The following LSM4 variants were observed in gnomAD, a reference collection of about 807,000 sequenced individuals.
LSM4 encodes the protein LSM4 homolog, U6 small nuclear RNA and mRNA degradation associated.
In LSM4, 15 loss-of-function variants were observed where a neutral mutation model predicts 22.3. That is an observed-to-expected ratio of 0.67 (90% CI 0.45 to 1.03). LSM4 has a LOEUF of 1.03. Among genes scored for constraint, LSM4 ranks in the 50% least tolerant of loss-of-function variants. LSM4 has a pLI of 0.00. For missense variants in LSM4, 127 were observed against 198.0 expected (o/e 0.64, Z 2.15); for synonymous variants, 90 against 79.8 (o/e 1.13, Z -0.68).
intron 1 of LSM4, among the ~76,000 whole-genome samples, chr19:18,318,902 C>T (rs1040577030): frequency 3.9e-5 from 6 of 152,256 alleles, no homozygotes; most frequent in Non-Finnish European, 8.8e-5. Flanking sequence ...TTGCCTGTCA[C>T]TTGCAGTCCC....
intron 1 of LSM4, among the ~76,000 whole-genome samples, chr19:18,319,889 G>A (rs1233980052): frequency 6.6e-6 from 1 of 152,190 alleles, no homozygotes; most frequent in Non-Finnish European, 1.5e-5. Flanking sequence ...ACTCAAAGTG[G>A]GTGTGGACTT....
intron 1 of LSM4, among the ~76,000 whole-genome samples, chr19:18,317,297 C>T (rs377556742): frequency 2.8e-4 from 42 of 150,386 alleles, no homozygotes; most frequent in East Asian, 1.2e-3. Flanking sequence ...GCTGGGGTAA[C>T]AGCATTGAGC....
rs1466813918 is a variant in LSM4 at position 18,307,493 on chromosome 19, T to G, written c.391A>C (p.Lys131Gln). ...TGTTTGCCCGCCTGTCTGCCAGGCT[T>G]CTTCTCTGGCTGGCCTCTGCCTGTG... is the stretch of plus-strand genomic sequence containing the variant. ...PGTGRGQPEK[K>Q]PGRQAGKQ The change falls in exon 5 of 5, where the codon AAG becomes CAG. Residue 131 changes from lysine to glutamine, a missense_variant. Coordinates refer to ENST00000593829, the MANE Select transcript of LSM4 (RefSeq NM_012321.5). 2 of 1,555,378 alleles carry G rather than the reference T, an allele frequency of 1.3e-6. No homozygotes were observed. The highest frequency in any genetic ancestry group is 1.4e-5 in the African/African-American group (1 of 73,220).
At chr19:18,312,324 C>A in intron 3 of LSM4, 1 of 393,288 alleles carries the variant, frequency 2.5e-6, no homozygotes. Context: ...CTGCCCCAGC[C>A]TGAGCCACAG....
At chr19:18,308,614 G>A (rs1970259826) in intron 4 of LSM4, among the ~76,000 whole-genome samples, 3 of 152,214 alleles carry the variant, frequency 2.0e-5, no homozygotes, top group Admixed American at 2.0e-4. Flanking sequence ...GGGCCAGGGA[G>A]GTCTGGGGAC....
At chr19:18,314,559 C>T (rs904475699) in intron 2 of LSM4, among the ~76,000 whole-genome samples, 2 of 152,040 alleles carry the variant, frequency 1.3e-5, no homozygotes, top group African/African-American at 4.8e-5. Context: ...GGAGTATCGT[C>T]TGGCTATAAG....
At position 18,307,055 on chromosome 19, in the gene LSM4, A is replaced by C; in HGVS notation, c.*409T>G. On this transcript the variant is annotated 3_prime_UTR_variant, in exon 5 of 5. Coordinates refer to ENST00000593829, the MANE Select transcript of LSM4 (RefSeq NM_012321.5). ...GCAATTTTGGGGCCGCGCCCAAGGA[A>C]ACCCTGCAGGCTGTCAGTCCCAGCA... 1 of 170,214 alleles carries C rather than the reference A, an allele frequency of 5.9e-6. No homozygotes were observed. Among genetic ancestry groups the C allele is most frequent in the Non-Finnish European group, 1.2e-5 (1 of 80,518 alleles). The allele number at this position is 170,214 out of a possible 1,614,324, so 10.5% of individuals were successfully genotyped here. A position where few individuals can be genotyped will look rare whatever the true frequency, so the allele number is the denominator to read the frequency against.
At position 18,306,287 on chromosome 19, in the gene LSM4, G is replaced by A. The variant is rs1455237483; in HGVS notation, c.*1177C>T. ...CAATCACCTCTCAAAATAGGTCTCCGAACGAGGACCCTGAAGAGAAGGCTA... is the reference window on the plus strand; with the variant it reads ...CAATCACCTCTCAAAATAGGTCTCCAAACGAGGACCCTGAAGAGAAGGCTA... On this transcript the variant is annotated 3_prime_UTR_variant, in exon 5 of 5. Transcript: ENST00000593829. 1.3e-5 allele frequency: 2 copies of A among 152,296 alleles called. No homozygotes were observed. The highest frequency in any genetic ancestry group is 1.9e-4 in the East Asian group (1 of 5,176). The allele number at this position is 152,296 out of a possible 1,614,324, so 9.4% of individuals were successfully genotyped here.
intron 2 of LSM4, among the ~76,000 whole-genome samples, chr19:18,314,251 G>T (rs1970328249): frequency 6.6e-6 from 1 of 151,938 alleles, no homozygotes. Context: ...AATGTAGGCC[G>T]GGCGTGAGCC....
intron 2 of LSM4, among the ~76,000 whole-genome samples, chr19:18,315,093 G>A (rs1331061411): frequency 6.6e-6 from 1 of 152,034 alleles, no homozygotes; most frequent in Non-Finnish European, 1.5e-5. Flanking sequence ...CACCGTGTTA[G>A]CCAGGATGGT....
chr19:18,319,338 C>T (rs1321846128), intron 1 of LSM4, among the ~76,000 whole-genome samples: 5 of 151,604 alleles, frequency 3.3e-5, no homozygotes, highest in Admixed American at 3.3e-4. Flanking sequence ...CCAAGGTGGG[C>T]GGATCACGAG....
intron 1 of LSM4, among the ~76,000 whole-genome samples, chr19:18,320,756 AC>A (rs1476454087): frequency 6.6e-6 from 1 of 152,192 alleles, no homozygotes; most frequent in Non-Finnish European, 1.5e-5. Context: ...AGATTACACC[AC>A]TGCACTTCAG....
In LSM4 at chr19:18,323,001, A is replaced by C; in HGVS notation, c.3+17T>G. The stretch of plus-strand genomic sequence containing the variant: ...TTCCCGCCTCCCGGTGAGACCCCGC[A>C]GTTGCCCTGCCCTCACCATGGTGCC... On this transcript the variant is annotated intron_variant, in intron 1 of 4. Transcript: ENST00000593829. 6 of 1,591,230 alleles carry C rather than the reference A, an allele frequency of 3.8e-6. No individual in the cohort carries two copies. The highest frequency in any genetic ancestry group is 4.3e-6 in the Non-Finnish European group (5 of 1,172,392).
At chr19:18,308,840 G>T (rs912455860) in intron 4 of LSM4, among the ~76,000 whole-genome samples, 2 of 152,180 alleles carry the variant, frequency 1.3e-5, no homozygotes, top group Admixed American at 6.5e-5. Context: ...CTGTGCTAGG[G>T]TGCACAGCCT....
At chr19:18,320,051 T>C (rs544325630) in intron 1 of LSM4, among the ~76,000 whole-genome samples, 1 of 152,298 alleles carries the variant, frequency 6.6e-6, no homozygotes, top group East Asian at 1.9e-4. Flanking sequence ...AAGGAGTGGC[T>C]GCGGGACAGG....
rs1568297214 is a variant in LSM4, at chr19:18,309,869, G to A, written c.145-8C>T. ...CCAGAACTTGTCCCCGTCCTGCGGAGAAGGGGAGCAGGTTATTAACTTACC... is the reference window on the plus strand; with the variant it reads ...CCAGAACTTGTCCCCGTCCTGCGGAAAAGGGGAGCAGGTTATTAACTTACC... On this transcript the variant is annotated splice_polypyrimidine_tract_variant and splice_region_variant and intron_variant, in intron 3 of 4. Coordinates refer to ENST00000593829, the MANE Select transcript of LSM4 (RefSeq NM_012321.5). The A allele has an allele frequency of 1.9e-6, 3 of 1,612,482 alleles. No individual in the cohort carries two copies. Among genetic ancestry groups the A allele is most frequent in the Non-Finnish European group, 2.5e-6 (3 of 1,179,532 alleles).
chr19:18,313,155 G>A (rs1243204986), intron 2 of LSM4, among the ~76,000 whole-genome samples: 8 of 151,706 alleles, frequency 5.3e-5, no homozygotes. Context: ...GGAGGCGGAG[G>A]TTGCAGTGAG....
intron 1 of LSM4, among the ~76,000 whole-genome samples, chr19:18,319,768 C>A (rs1277128171): frequency 6.6e-6 from 1 of 152,168 alleles, no homozygotes; most frequent in Non-Finnish European, 1.5e-5. Flanking sequence ...CTCCTTTGGC[C>A]AGGCCCTTTT....
intron 1 of LSM4, chr19:18,316,331 T>G: frequency 3.6e-6 from 1 of 275,470 alleles, no homozygotes; most frequent in Non-Finnish European, 6.8e-6. Flanking sequence ...CTGAACACTC[T>G]GGTCAATTTT....
Sources: allele counts gnomAD v4.1 joint callset (sites outside exome capture counted in the v4.1 genomes callset), GRCh38; gene constraint gnomAD v4.1.1; transcripts MANE v1.5; gene names NCBI Gene and HGNC (gene_info 2026-07-23, HGNC 2026-07-21).